TPP2: variants seen among roughly 807,000 people sequenced by gnomAD.
TPP2 encodes the protein tripeptidyl-peptidase 2.
TPP2 carries 34 observed loss-of-function variants against 155.9 expected under a neutral mutation model. The ratio of observed to expected loss-of-function variants is 0.22; its 90% CI spans 0.17 to 0.29. The LOEUF (loss-of-function observed/expected upper bound fraction) is 0.29, where lower values mean the gene tolerates loss of function less well. TPP2 is among the 10% of genes least tolerant of loss of function. The pLI is 1.00. For missense variants in TPP2, 1,028 were observed against 1,522.3 expected (o/e 0.68, Z 5.40); for synonymous variants, 510 against 529.4 (o/e 0.96, Z 0.50).
intron 25 of TPP2, among the ~76,000 whole-genome samples, chr13:102,660,371 CA>C (rs1884125051): frequency 6.6e-6 from 1 of 151,572 alleles, no homozygotes; most frequent in Non-Finnish European, 1.5e-5. Flanking sequence ...TTAAAGTTTA[CA>C]GGAAATTAAG....
intron 7 of TPP2, 82 bp downstream of exon 7, chr13:102,627,248 T>C: frequency 7.4e-7 from 1 of 1,356,082 alleles, no homozygotes. Flanking sequence ...GCTCCTAGTT[T>C]ACCAAGAATA....
At chr13:102,625,658 C>T (rs1236025414) in intron 6 of TPP2, among the ~76,000 whole-genome samples, 1 of 152,148 alleles carries the variant, frequency 6.6e-6, no homozygotes, top group Non-Finnish European at 1.5e-5. Context: ...CCAATTTTAT[C>T]TGGGGAAAGA....
Position 102,635,608 on chromosome 13 carries a change from A to T in TPP2, c.1415A>T (p.Asp472Val). 1 of 1,612,818 alleles carries T rather than the reference A, an allele frequency of 6.2e-7. No homozygotes were observed. Among genetic ancestry groups the T allele is most frequent in the South Asian group, 1.1e-5 (1 of 91,076 alleles). The change falls in exon 12 of 30, where the codon GAC becomes GTC. Residue 472 changes from aspartate (D) to valine (V), a missense_variant. Asp to Val is a radical substitution (Grantham distance 152, BLOSUM62 -3). Around this residue, in one of 7 missense-constraint regions of TPP2, gnomAD observed 325 missense variants for 463.7 expected, o/e 0.70. Transcript: ENST00000376052. ...ILSGLKANNI[D>V]YTVHSVRRAL... ...TTAGGTCTGAAAGCTAATAACATTG[A>T]CTACACAGTTCATTCAGTCAGAAGA... is the stretch of plus-strand genomic sequence containing the variant.
intron 29 of TPP2, among the ~76,000 whole-genome samples, chr13:102,677,779 TC>T (rs1339286224): frequency 4.6e-5 from 7 of 152,232 alleles, no homozygotes; most frequent in Admixed American, 4.6e-4. Flanking sequence ...CTGATAAATA[TC>T]TTATTACTTG....
intron 29 of TPP2, 39 bp from the exon 30 acceptor site, chr13:102,678,188 A>T: frequency 6.4e-7 from 1 of 1,556,412 alleles, no homozygotes; most frequent in Non-Finnish European, 8.7e-7. Flanking sequence ...AAAATCTGTC[A>T]CTTCCTTTAT....
chr13:102,629,683 C>T, intron 9 of TPP2, 74 bp downstream of exon 9: 1 of 1,495,760 alleles, frequency 6.7e-7, no homozygotes, highest in South Asian at 1.4e-5. Flanking sequence ...GAAATGTTAC[C>T]TGTATCTCTG....
intron 2 of TPP2, among the ~76,000 whole-genome samples, chr13:102,612,307 C>T (rs1454475169): frequency 1.3e-5 from 2 of 152,110 alleles, no homozygotes; most frequent in Non-Finnish European, 2.9e-5. Flanking sequence ...CCCTAACACT[C>T]AGATGACACT....
intron 1 of TPP2, among the ~76,000 whole-genome samples, chr13:102,604,418 G>C (rs529243057): frequency 6.6e-6 from 1 of 152,218 alleles, no homozygotes; most frequent in African/African-American, 2.4e-5. Context: ...TACCCAGTGT[G>C]ATAGCACATC....
At position 102,657,135 on chromosome 13, in the gene TPP2, C is replaced by G; in HGVS notation, c.3071C>G (p.Ser1024Ter). 1 of 1,589,166 alleles carries G rather than the reference C, an allele frequency of 6.3e-7. No individual in the cohort carries two copies. Among genetic ancestry groups the G allele is most frequent in the Non-Finnish European group, 8.5e-7 (1 of 1,171,510 alleles). ...GGCAGCAAAGATAAGGAAAAAGATT[C>G]AGAAAAAGAGAAAGATTTAAAAGAA... ...KNGSKDKEKD[S>*]EKEKDLKEEF... The change falls in exon 25 of 30, where the codon TCA (serine) becomes TGA (stop). Residue 1024 changes from serine to a stop codon, truncating the protein, a stop_gained. Transcript: ENST00000376052. LOFTEE classifies it high-confidence loss of function.
intron 1 of TPP2, among the ~76,000 whole-genome samples, chr13:102,598,547 T>A (rs1879172887): frequency 6.6e-6 from 1 of 152,196 alleles, no homozygotes; most frequent in South Asian, 2.1e-4. Flanking sequence ...TGTCGTTGTA[T>A]TAATAACTTA....
intron 6 of TPP2, among the ~76,000 whole-genome samples, chr13:102,625,777 A>G (rs1005042185): frequency 1.3e-5 from 2 of 152,250 alleles, no homozygotes; most frequent in South Asian, 2.1e-4. Flanking sequence ...TCAAAGCCAC[A>G]TAGAGATGCC....
chr13:102,675,548 AC>A (rs1885233475), intron 28 of TPP2, among the ~76,000 whole-genome samples: 1 of 152,232 alleles, frequency 6.6e-6, no homozygotes, highest in Non-Finnish European at 1.5e-5. Flanking sequence ...TATGTGCCAA[AC>A]ACTACTTACT....
intron 10 of TPP2, among the ~76,000 whole-genome samples, chr13:102,633,106 G>A (rs1043759508): frequency 6.6e-6 from 1 of 152,220 alleles, no homozygotes; most frequent in African/African-American, 2.4e-5. Context: ...TGTGGGGAAT[G>A]TATGGCCACT....
intron 6 of TPP2, among the ~76,000 whole-genome samples, chr13:102,626,385 A>C (rs1400730411): frequency 1.3e-5 from 2 of 152,252 alleles, no homozygotes; most frequent in African/African-American, 2.4e-5. Context: ...ATTGATGTAC[A>C]TGTAACCATT....
intron 27 of TPP2, among the ~76,000 whole-genome samples, chr13:102,666,154 G>T (rs149756282): frequency 1.3e-5 from 2 of 152,176 alleles, no homozygotes; most frequent in Non-Finnish European, 2.9e-5. Flanking sequence ...ATGGAAGGCA[G>T]GGGCCTTTGT....
intron 16 of TPP2, among the ~76,000 whole-genome samples, chr13:102,640,721 G>A (rs1332701968): frequency 7.3e-6 from 1 of 136,414 alleles, no homozygotes; most frequent in Non-Finnish European, 1.5e-5. Context: ...CATGATCTCG[G>A]CTCACTGCAA....
chr13:102,653,459 C>T (rs994755572), intron 24 of TPP2, among the ~76,000 whole-genome samples: 1 of 152,136 alleles, frequency 6.6e-6, no homozygotes, highest in Non-Finnish European at 1.5e-5. Flanking sequence ...GTGGCATGAT[C>T]GTAGCTCACT....
intron 11 of TPP2, among the ~76,000 whole-genome samples, chr13:102,635,082 C>T (rs565846558): frequency 8.5e-5 from 13 of 152,310 alleles, no homozygotes; most frequent in Non-Finnish European, 1.6e-4. Context: ...TAATTCCCAA[C>T]CTGGCTGTAC....
Position 102,637,088 on chromosome 13 carries a change from C to G in TPP2, c.1685C>G (p.Ser562Cys), listed in dbSNP as rs575843268. ...TTGGTCTTTTTCGTGCCAGAAAACTCTGAAAAAATATCCCTTCAGCTTCAT... is the reference window on the plus strand; with the variant it reads ...TTGGTCTTTTTCGTGCCAGAAAACTGTGAAAAAATATCCCTTCAGCTTCAT... ...EPVFPENTEN[S>C]EKISLQLHLA... The change falls in exon 14 of 30, where the codon TCT becomes TGT. Residue 562 changes from serine (S) to cysteine (C), a missense_variant. Around this residue, in one of 7 missense-constraint regions of TPP2, gnomAD observed 325 missense variants for 463.7 expected, o/e 0.70. Transcript: ENST00000376052. 1.3e-6 allele frequency: 2 copies of G among 1,580,906 alleles called. No individual in the cohort carries two copies. Among genetic ancestry groups the G allele is most frequent in the African/African-American group, 2.7e-5 (2 of 72,884 alleles).
Sources: allele counts gnomAD v4.1 joint callset (sites outside exome capture counted in the v4.1 genomes callset), GRCh38; gene constraint gnomAD v4.1.1; regional missense constraint gnomAD v4.1.1; transcripts MANE v1.5; gene names NCBI Gene and HGNC (gene_info 2026-07-23, HGNC 2026-07-21).